PI15: variants seen among roughly 807,000 people sequenced by gnomAD.
The protein encoded by PI15 is peptidase inhibitor 15, also known as 25 kDa trypsin inhibitor.
A neutral mutation model predicts 31.0 loss-of-function variants in PI15; 18 were observed. That is an observed-to-expected ratio of 0.58 (90% confidence interval 0.40 to 0.86). The LOEUF (loss-of-function observed/expected upper bound fraction) is 0.86. Ranked by LOEUF, PI15 falls within the 40% of genes least tolerant of loss-of-function variation. The probability of loss-of-function intolerance (pLI) is 0.00; values close to 1 mark genes in which losing one functional copy is unlikely to be tolerated. For missense variants in PI15, 282 were observed against 328.1 expected (o/e 0.86, Z 1.09); for synonymous variants, 118 against 119.1 (o/e 0.99, Z 0.06).
chr8:74,824,804 T>C (rs914064422), intron 1 of PI15, 129 bp downstream of exon 1: 2 of 171,818 alleles, frequency 1.2e-5, no homozygotes, highest in East Asian at 1.5e-4. Context: ...TGTGTCTATA[T>C]GTCTGGCAGA....
In PI15 at chr8:74,845,159, T is replaced by C. The variant is rs1449164978; in HGVS notation, c.424T>C (p.Trp142Arg). ...CTCTATTCTCCAGTTGGTCAAGCCA[T>C]GGTATGATGAAGTGAAAGATTATGC... ...YRSILQLVKPWYDEVKDYAFP... is the reference protein window; with the variant it reads ...YRSILQLVKPRYDEVKDYAFP... The change falls in exon 4 of 6, where the codon TGG becomes CGG. Residue 142 changes from tryptophan (W) to arginine (R), a missense_variant. Physicochemically the swap from Trp to Arg is moderately radical, Grantham distance 101. Transcript: ENST00000260113. 2.5e-6 allele frequency: 4 copies of C among 1,612,766 alleles called. No individual in the cohort carries two copies. The highest frequency in any genetic ancestry group is 3.3e-5 in the Admixed American group (2 of 60,002).
rs1392126206 is a variant in PI15 at position 74,854,104 on chromosome 8, A to G, written c.*4851A>G. On this transcript the variant is annotated 3_prime_UTR_variant, in exon 6 of 6. Transcript: ENST00000260113. ...GGTCATATTATTGAACTAATGTATT[A>G]TTCCATTCAAAGTCTTTCTAGATTT... The G allele has an allele frequency of 1.3e-5, 2 of 152,018 alleles. No homozygotes were observed. Among genetic ancestry groups the G allele is most frequent in the Admixed American group, 6.6e-5 (1 of 15,242 alleles). The allele number at this position is 152,018 out of a possible 1,614,324, so 9.4% of individuals were successfully genotyped here.
chr8:74,832,356 TG>T (rs1038608899), intron 2 of PI15, among the ~76,000 whole-genome samples: 9 of 152,000 alleles, frequency 5.9e-5, no homozygotes, highest in African/African-American at 2.2e-4. Flanking sequence ...GTAGCTAGTG[TG>T]GGGGAAGGAA....
intron 2 of PI15, among the ~76,000 whole-genome samples, chr8:74,831,886 T>C (rs1586952711): frequency 1.3e-5 from 2 of 152,024 alleles, no homozygotes; most frequent in Non-Finnish European, 2.9e-5. Context: ...TAAAAACTCA[T>C]TGAGGCTTGG....
At position 74,848,312 on chromosome 8, in the gene PI15, T is replaced by C. The variant is rs567891680; in HGVS notation, c.642-806T>C. On this transcript the variant is annotated intron_variant, in intron 5 of 5. Transcript: ENST00000260113. ...AATAATGGTATATTGGTTTATACCA[T>C]TATACCATATATGAAGTTTTTCACA... Among the ~76,000 whole-genome samples, 4 of 152,316 alleles carry C rather than the reference T, an allele frequency of 2.6e-5. No homozygotes were observed. In the East Asian group the frequency reaches 7.7e-4, roughly 29 times the overall value.
Position 74,845,617 on chromosome 8 carries a change from A to C in PI15, c.641+120A>C. The C allele has an allele frequency of 7.8e-6, 5 of 640,794 alleles. No homozygotes were observed. The South Asian group carries it at 9.4e-5, about 12-fold the overall frequency. 39.7% of individuals were successfully genotyped at this position (640,794 alleles called of 1,614,324 possible). A position where few individuals can be genotyped will look rare whatever the true frequency, so the allele number is the denominator to read the frequency against. ...TTAGCTATAATGGCCTCTAATCCTC[A>C]AATCCACCATCCTTCCAATATTTCT... On this transcript the variant is annotated intron_variant, in intron 5 of 5. Transcript: ENST00000260113.
In PI15 at chr8:74,853,934, A is replaced by G. The variant is rs1811143041; in HGVS notation, c.*4681A>G. Reference sequence around the variant, plus strand: ...AGAATTACAATTAATTAACAGAGGTATAATTGTCTCACTTTCAGAAGTGAT... The same window carrying G: ...AGAATTACAATTAATTAACAGAGGTGTAATTGTCTCACTTTCAGAAGTGAT... On this transcript the variant is annotated 3_prime_UTR_variant, in exon 6 of 6. Transcript: ENST00000260113. 6.6e-6 allele frequency: 1 copy of G among 152,044 alleles called. No individual in the cohort carries two copies. Among genetic ancestry groups the G allele is most frequent in the Admixed American group, 6.6e-5 (1 of 15,264 alleles). The allele number at this position is 152,044 out of a possible 1,614,324, so 9.4% of individuals were successfully genotyped here.
At chr8:74,832,520 C>T (rs1343690729) in intron 2 of PI15, among the ~76,000 whole-genome samples, 1 of 152,022 alleles carries the variant, frequency 6.6e-6, no homozygotes, top group South Asian at 2.1e-4. Flanking sequence ...CAAGAAAATA[C>T]CCCCCTCTGT....
chr8:74,827,782 T>G (rs575857794), intron 2 of PI15, among the ~76,000 whole-genome samples: 1 of 152,308 alleles, frequency 6.6e-6, no homozygotes, highest in East Asian at 1.9e-4. Flanking sequence ...CATGCTCTAT[T>G]TATTATTCCA....
At chr8:74,835,280 G>A (rs1283979182) in intron 2 of PI15, among the ~76,000 whole-genome samples, 8 of 152,036 alleles carry the variant, frequency 5.3e-5, no homozygotes, top group Non-Finnish European at 1.2e-4. Context: ...AACCAATAAA[G>A]TCATTTAGAG....
chr8:74,845,804 T>C, intron 5 of PI15: 1 of 251,226 alleles, frequency 4.0e-6, no homozygotes, highest in Non-Finnish European at 7.8e-6. Flanking sequence ...AAGCTTTTAA[T>C]AGCTATATAA....
chr8:74,838,146 T>C (rs1810896087), intron 2 of PI15, among the ~76,000 whole-genome samples: 1 of 151,966 alleles, frequency 6.6e-6, no homozygotes, highest in South Asian at 2.1e-4. Context: ...TCCATATAGT[T>C]AAATAAGTTA....
Position 74,844,077 on chromosome 8 carries a change from A to G in PI15, c.370A>G (p.Asn124Asp). The G allele has an allele frequency of 6.5e-7, 1 of 1,541,546 alleles. No homozygotes were observed. Reference protein sequence around the residue: ...PSYLLRFLGQNLSVRTGRYRS... With the variant: ...PSYLLRFLGQDLSVRTGRYRS... ...TTACTTACTGAGATTTTTGGGCCAAAATCTATCTGTACGCACTGGAAGGTA... is the reference window on the plus strand; with the variant it reads ...TTACTTACTGAGATTTTTGGGCCAAGATCTATCTGTACGCACTGGAAGGTA... The change falls in exon 3 of 6, where the codon AAT (asparagine) becomes GAT (aspartate). Residue 124 changes from asparagine to aspartate, a missense_variant. Coordinates refer to ENST00000260113, the MANE Select transcript of PI15 (RefSeq NM_015886.5).
chr8:74,829,235 A>G (rs539733994), intron 2 of PI15, among the ~76,000 whole-genome samples: 6 of 152,098 alleles, frequency 3.9e-5, no homozygotes, highest in Non-Finnish European at 8.8e-5. Flanking sequence ...AGTTTTTGTC[A>G]TCATTTATAA....
At chr8:74,848,701 TACAATATATATAA>T in intron 5 of PI15, among the ~76,000 whole-genome samples, 1 of 146,196 alleles carries the variant, frequency 6.8e-6, no homozygotes, top group South Asian at 2.1e-4. Context: ...TAAATATATA[TACAATATATATAA>T]ATATATATAT....
At chr8:74,835,260 T>G (rs1370019498) in intron 2 of PI15, among the ~76,000 whole-genome samples, 1 of 152,148 alleles carries the variant, frequency 6.6e-6, no homozygotes, top group Admixed American at 6.5e-5. Context: ...CGTGTTACAT[T>G]GGGTATTTCA....
intron 2 of PI15, among the ~76,000 whole-genome samples, chr8:74,843,047 GA>G (rs1810966770): frequency 6.6e-6 from 1 of 152,084 alleles, no homozygotes; most frequent in African/African-American, 2.4e-5. Flanking sequence ...CACCATAATA[GA>G]GTATGACCTT....
In PI15 at chr8:74,851,698, C is replaced by T. The variant is rs1444632982; in HGVS notation, c.*2445C>T. ...TGGATTTTTAGAATTAACTAAGAAG[C>T]CAAAAATGGCAACAATTTACAGAAA... On this transcript the variant is annotated 3_prime_UTR_variant, in exon 6 of 6. Transcript: ENST00000260113. 1 of 151,748 alleles carries T rather than the reference C, an allele frequency of 6.6e-6. No individual in the cohort carries two copies. Among genetic ancestry groups the T allele is most frequent in the African/African-American group, 2.4e-5 (1 of 41,344 alleles). 9.4% of individuals were successfully genotyped at this position (151,748 alleles called of 1,614,324 possible).
At chr8:74,845,963 A>G (rs1011087877) in intron 5 of PI15, 1 of 156,066 alleles carries the variant, frequency 6.4e-6, no homozygotes, top group African/African-American at 2.4e-5. Context: ...CCTAGGGCAT[A>G]TATAAAATGG....
Sources: gnomAD v4.1 joint callset for allele counts (sites outside exome capture counted in the v4.1 genomes callset) on GRCh38, gnomAD v4.1.1 for gene constraint, MANE v1.5 for transcripts, NCBI Gene and HGNC (gene_info 2026-07-23, HGNC 2026-07-21) for gene names.